THBS4: variants seen among roughly 807,000 people sequenced by gnomAD.
THBS4 encodes the protein thrombospondin 4, also known as thrombospondin-4.
THBS4 carries 90 observed loss-of-function variants against 115.7 expected under a neutral mutation model. The observed-to-expected ratio is 0.78, with a 90% confidence interval of 0.66 to 0.93. The LOEUF is 0.93. THBS4 is among the 40% of genes least tolerant of loss of function. The pLI, the probability that THBS4 is intolerant of heterozygous loss-of-function variation, is 0.00. For synonymous variants in THBS4, 460 were observed against 479.3 expected, an observed-to-expected ratio of 0.96 and a Z score of 0.53; for missense variants, 1,087 against 1,232.7, an observed-to-expected ratio of 0.88 and a Z score of 1.77.
At chr5:80,053,501 G>C (rs944385931) in intron 2 of THBS4, among the ~76,000 whole-genome samples, 1 of 151,296 alleles carries the variant, frequency 6.6e-6, no homozygotes, top group Non-Finnish European at 1.5e-5. Context: ...ATGCTGGGCT[G>C]TTGGGTTTAC....
intron 9 of THBS4, 145 bp from the exon 10 acceptor site, chr5:80,067,828 T>G (rs879073491): frequency 2.3e-6 from 2 of 869,390 alleles, no homozygotes; most frequent in South Asian, 3.6e-5. Flanking sequence ...ATCTTACATG[T>G]AAGCAAAGAA....
chr5:80,016,367 A>G (rs1007292702), intron 2 of THBS4, among the ~76,000 whole-genome samples: 1 of 152,136 alleles, frequency 6.6e-6, no homozygotes, highest in Non-Finnish European at 1.5e-5. Context: ...CCTACACTGT[A>G]GTGTTGAAAT....
At position 80,055,834 on chromosome 5, in the gene THBS4, C is replaced by T. The variant is rs1328399250; in HGVS notation, c.342C>T (p.Phe114=). 16 of 1,614,012 alleles carry T rather than the reference C, an allele frequency of 9.9e-6. No homozygotes were observed. Among genetic ancestry groups the T allele is most frequent in the Non-Finnish European group, 1.4e-5 (16 of 1,180,008 alleles). ...KNDGKVHLVV[F]NNLQLADGRR... ...ATGGGAAGGTGCATTTGGTGGTTTT[C>T]AACAACCTGCAGCTGGCAGACGGAA... The change falls in exon 3 of 22, where the codon TTC becomes TTT. Residue 114 remains phenylalanine, a synonymous_variant. Coordinates refer to ENST00000350881, the MANE Select transcript of THBS4 (RefSeq NM_003248.6).
intron 10 of THBS4, among the ~76,000 whole-genome samples, chr5:80,069,041 T>C (rs2112130650): frequency 6.6e-6 from 1 of 152,346 alleles, no homozygotes; most frequent in South Asian, 2.1e-4. Flanking sequence ...TCCTAGGCAC[T>C]GAAAAATCAG....
chr5:80,041,694 T>A (rs1036817859), intron 2 of THBS4, among the ~76,000 whole-genome samples: 2 of 152,196 alleles, frequency 1.3e-5, no homozygotes, highest in Non-Finnish European at 2.9e-5. Flanking sequence ...ATGGTCACTA[T>A]TTTTCATTGC....
intron 1 of THBS4, among the ~76,000 whole-genome samples, chr5:79,991,564 CA>C (rs1274520017): frequency 6.6e-6 from 1 of 152,296 alleles, no homozygotes; most frequent in East Asian, 1.9e-4. Flanking sequence ...CCAGTATTTA[CA>C]AGATTGTGGT....
Position 80,079,899 on chromosome 5 carries a change from A to G in THBS4, c.2512-6A>G, listed in dbSNP as rs1743402136. The stretch of plus-strand genomic sequence containing the variant: ...GTCCTAAAACCTTGCTTGTGTCATC[A>G]TGCAGGCTGTGAAGTCTAAGACAGG... On this transcript the variant is annotated splice_region_variant and splice_polypyrimidine_tract_variant and intron_variant, in intron 19 of 21. Transcript: ENST00000350881. 1 of 1,613,750 alleles carries G rather than the reference A, an allele frequency of 6.2e-7. No homozygotes were observed. Among genetic ancestry groups the G allele is most frequent in the African/African-American group, 1.3e-5 (1 of 74,914 alleles).
At chr5:80,075,321 GATAA>G (rs1279651094) in intron 15 of THBS4, 10 of 152,160 alleles carry the variant, frequency 6.6e-5, no homozygotes, top group Admixed American at 3.3e-4. Context: ...GCAAAGAGGA[GATAA>G]ATAAATGCAT....
rs149672053 is a variant in THBS4, at chr5:80,065,447, C to T, written c.1164C>T (p.Cys388=). 441 of 1,613,520 alleles carry T rather than the reference C, an allele frequency of 2.7e-4. 5 individuals are homozygous for T. The African/African-American group carries it at 5.3e-3, about 19-fold the overall frequency. Residue 388 remains cysteine (C), a synonymous_variant, in exon 9 of 22, where the codon TGC becomes TGT. Transcript: ENST00000350881. ...TDIDECRNGA[C]VPNSICVNTL... is the part of the protein sequence containing the mutation. The stretch of plus-strand genomic sequence containing the variant: ...TTGATGAGTGTCGAAATGGAGCGTG[C>T]GTTCCCAACTCGATCTGCGTTAATA...
chr5:80,007,908 G>A (rs1274444604), intron 2 of THBS4, among the ~76,000 whole-genome samples: 1 of 152,136 alleles, frequency 6.6e-6, no homozygotes, highest in Non-Finnish European at 1.5e-5. Flanking sequence ...TTGGTTTTGA[G>A]AGTAATTAAG....
chr5:80,031,060 A>G (rs1832578335), upstream of THBS4, among the ~76,000 whole-genome samples: 1 of 152,246 alleles, frequency 6.6e-6, no homozygotes, highest in Non-Finnish European at 1.5e-5. Flanking sequence ...GGGTTTGGAT[A>G]TCAAAATCAA....
chr5:80,020,125 C>A (rs1832333402), intron 2 of THBS4, among the ~76,000 whole-genome samples: 1 of 152,162 alleles, frequency 6.6e-6, no homozygotes, highest in African/African-American at 2.4e-5. Context: ...TGTATGTGAA[C>A]AAAAGTGAAC....
rs1554055208 is a variant in THBS4, at chr5:80,082,629, C to CCG, written c.2824+85_2824+86insGC. 3 of 1,538,002 alleles carry CCG rather than the reference C, an allele frequency of 2.0e-6. No individual in the cohort carries two copies. In the African/African-American group the frequency reaches 4.1e-5, roughly 21 times the overall value. On this transcript the variant is annotated intron_variant, in intron 21 of 21. Transcript: ENST00000350881. Reference sequence around the variant, plus strand: ...CCTTATTTTTATACCGCACTTCCCCCCCAAAAGCCCAACGCTCATACCACA... The same window carrying CCG: ...CCTTATTTTTATACCGCACTTCCCCCCGCCAAAAGCCCAACGCTCATACCACA...
chr5:80,047,313 T>G (rs757603036), intron 2 of THBS4, among the ~76,000 whole-genome samples: 14 of 152,216 alleles, frequency 9.2e-5, no homozygotes, highest in Non-Finnish European at 1.5e-4. Flanking sequence ...ACAAGGACAC[T>G]GTCAAGTCAA....
chr5:80,022,416 G>A (rs1384674411), intron 2 of THBS4, among the ~76,000 whole-genome samples: 1 of 152,102 alleles, frequency 6.6e-6, no homozygotes, highest in African/African-American at 2.4e-5. Flanking sequence ...TCCAATTCTT[G>A]CAGAGATTCA....
intron 2 of THBS4, among the ~76,000 whole-genome samples, chr5:80,006,554 A>G (rs1832023353): frequency 6.6e-6 from 1 of 152,064 alleles, no homozygotes; most frequent in South Asian, 2.1e-4. Context: ...GGACTAATAC[A>G]CCTCTGCTCT....
intron 9 of THBS4, 98 bp from the exon 10 acceptor site, chr5:80,067,875 T>C (rs1478108310): frequency 7.1e-7 from 1 of 1,402,180 alleles, no homozygotes; most frequent in African/African-American, 1.4e-5. Context: ...CTGCCAGCAA[T>C]GAGTACCTGT....
At chr5:80,044,377 T>C (rs1236251508) in intron 2 of THBS4, among the ~76,000 whole-genome samples, 6 of 152,048 alleles carry the variant, frequency 3.9e-5, no homozygotes, top group Non-Finnish European at 8.8e-5. Flanking sequence ...CATTGTGAAA[T>C]TCTGGGATTC....
chr5:80,034,921 G>A (rs2112013197), upstream of THBS4, among the ~76,000 whole-genome samples: 1 of 152,294 alleles, frequency 6.6e-6, no homozygotes, highest in Middle Eastern at 3.4e-3. Flanking sequence ...GGAACCCAAG[G>A]TGGGCATTCA....
Sources: allele counts gnomAD v4.1 joint callset (sites outside exome capture counted in the v4.1 genomes callset), GRCh38; gene constraint gnomAD v4.1.1; transcripts MANE v1.5; gene names NCBI Gene and HGNC (gene_info 2026-07-23, HGNC 2026-07-21).